Variants in TMEM117 observed in about 807,000 individuals in gnomAD.
TMEM117 encodes the protein transmembrane protein 117.
A neutral mutation model predicts 52.4 loss-of-function variants in TMEM117; 27 were observed. The observed-to-expected ratio is 0.51, with a 90% confidence interval of 0.38 to 0.71. TMEM117 has a LOEUF of 0.71. TMEM117 is among the 30% of genes least tolerant of loss of function. The pLI is 0.00. For synonymous variants in TMEM117, 215 were observed against 206.3 expected, an observed-to-expected ratio of 1.04 and a Z score of -0.36; for missense variants, 556 against 630.5, an observed-to-expected ratio of 0.88 and a Z score of 1.26.
At chr12:43,796,053 G>C in the TMEM117 span, among the ~76,000 whole-genome samples, 102 of 152,250 alleles carry the variant, frequency 6.7e-4, no homozygotes, top group Admixed American at 9.2e-4. Flanking sequence ...TTTATTCAAG[G>C]AACATTTACT....
chr12:44,380,935 T>C (rs918891531), intron 7 of TMEM117, among the ~76,000 whole-genome samples: 21 of 152,202 alleles, frequency 1.4e-4, no homozygotes, highest in African/African-American at 5.1e-4. Flanking sequence ...AAATATTCTG[T>C]ATGTAGAGGG....
At chr12:44,271,156 T>A (rs935064214) in intron 5 of TMEM117, among the ~76,000 whole-genome samples, 1 of 152,102 alleles carries the variant, frequency 6.6e-6, no homozygotes, top group African/African-American at 2.4e-5. Flanking sequence ...TTTCCTGGTT[T>A]TGGTATTAAG....
intron 3 of TMEM117, among the ~76,000 whole-genome samples, chr12:44,024,779 A>G (rs1235148063): frequency 6.6e-6 from 1 of 152,178 alleles, no homozygotes; most frequent in East Asian, 1.9e-4. Context: ...CAGTGTAGGT[A>G]TAAAAATATT....
intron 7 of TMEM117, among the ~76,000 whole-genome samples, chr12:44,379,018 T>C (rs1951981617): frequency 6.6e-6 from 1 of 151,972 alleles, no homozygotes; most frequent in African/African-American, 2.4e-5. Flanking sequence ...ACGTGGTGGC[T>C]CACACCTATA....
intron 3 of TMEM117, among the ~76,000 whole-genome samples, chr12:43,981,148 A>G (rs1945753788): frequency 1.3e-5 from 2 of 151,862 alleles, no homozygotes; most frequent in African/African-American, 4.8e-5. Context: ...TTTTCCCACA[A>G]CCCTGACCGA....
intron 4 of TMEM117, among the ~76,000 whole-genome samples, chr12:44,167,668 A>G (rs1465056655): frequency 6.6e-6 from 1 of 151,702 alleles, no homozygotes; most frequent in East Asian, 1.9e-4. Context: ...CTCTGTCTCA[A>G]AAAAAAAGAA....
chr12:44,048,893 G>C (rs1190732684), intron 3 of TMEM117, among the ~76,000 whole-genome samples: 4 of 152,046 alleles, frequency 2.6e-5, no homozygotes, highest in Non-Finnish European at 5.9e-5. Flanking sequence ...GTACTTCAAG[G>C]GAGTGGCATT....
chr12:44,251,187 C>T (rs1950193463), intron 5 of TMEM117, among the ~76,000 whole-genome samples: 3 of 151,966 alleles, frequency 2.0e-5, no homozygotes, highest in African/African-American at 7.3e-5. Context: ...AGGGATTCAC[C>T]TTTGAATTAG....
the TMEM117 span, among the ~76,000 whole-genome samples, chr12:43,813,589 A>G: frequency 2.6e-5 from 4 of 151,944 alleles, no homozygotes; most frequent in Admixed American, 6.6e-5. Context: ...TTTCTCTGAG[A>G]TAACATTACA....
At chr12:44,329,943 T>A (rs1484140241) in intron 6 of TMEM117, among the ~76,000 whole-genome samples, 1 of 152,128 alleles carries the variant, frequency 6.6e-6, no homozygotes, top group African/African-American at 2.4e-5. Flanking sequence ...CCATCTTTTG[T>A]GAATAATGCT....
intron 4 of TMEM117, among the ~76,000 whole-genome samples, chr12:44,148,583 CTT>C (rs1237809849): frequency 1.3e-5 from 2 of 152,048 alleles, no homozygotes; most frequent in South Asian, 2.1e-4. Flanking sequence ...TTTTCATACA[CTT>C]TGTATTTTTT....
chr12:44,319,840 A>T (rs1301561812), intron 6 of TMEM117, among the ~76,000 whole-genome samples: 2 of 152,058 alleles, frequency 1.3e-5, no homozygotes, highest in Non-Finnish European at 1.5e-5. Flanking sequence ...ACCTAACTAT[A>T]TGTCTCTTTC....
chr12:43,803,778 A>G, the TMEM117 span, among the ~76,000 whole-genome samples: 9 of 152,266 alleles, frequency 5.9e-5, no homozygotes, highest in African/African-American at 2.2e-4. Flanking sequence ...CAGAAAATAG[A>G]AAACAAATTA....
At chr12:44,238,091 C>T (rs1410944203) in intron 5 of TMEM117, among the ~76,000 whole-genome samples, 1 of 152,076 alleles carries the variant, frequency 6.6e-6, no homozygotes, top group East Asian at 1.9e-4. Flanking sequence ...TTGACTTCAC[C>T]ATTGAAATGA....
At chr12:44,000,406 G>A (rs1320537650) in intron 3 of TMEM117, among the ~76,000 whole-genome samples, 4 of 152,154 alleles carry the variant, frequency 2.6e-5, no homozygotes, top group Admixed American at 1.3e-4. Flanking sequence ...GAATACAGCT[G>A]ACTAAGGACT....
At chr12:43,884,103 T>C in intron 2 of TMEM117, among the ~76,000 whole-genome samples, 2 of 142,320 alleles carry the variant, frequency 1.4e-5, no homozygotes, top group South Asian at 2.2e-4. Context: ...ACCACTGCAC[T>C]CCAGCCTGGG....
At chr12:43,805,660 C>T in the TMEM117 span, 4 of 645,052 alleles carry the variant, frequency 6.2e-6, no homozygotes, top group Non-Finnish European at 1.0e-5. Flanking sequence ...TCAAAACACA[C>T]GCTTACACTC....
upstream of TMEM117, among the ~76,000 whole-genome samples, chr12:43,832,845 G>A (rs771791355): frequency 8.5e-5 from 13 of 152,182 alleles, no homozygotes; most frequent in Non-Finnish European, 1.5e-4. Flanking sequence ...GGGATACTCC[G>A]TGTTTAGCAG....
At chr12:44,060,611 C>G (rs181609025) in intron 3 of TMEM117, among the ~76,000 whole-genome samples, 45 of 152,196 alleles carry the variant, frequency 3.0e-4, no homozygotes, top group African/African-American at 9.9e-4. Flanking sequence ...AGAACAATGA[C>G]AACATTTATA....
Sources: gnomAD v4.1 joint callset for allele counts (sites outside exome capture counted in the v4.1 genomes callset) on GRCh38, gnomAD v4.1.1 for gene constraint, MANE v1.5 for transcripts, NCBI Gene and HGNC (gene_info 2026-07-23, HGNC 2026-07-21) for gene names.